The following MTPAP variants were observed in gnomAD, a reference collection of about 807,000 sequenced individuals.
The protein encoded by MTPAP is poly(A) RNA polymerase, mitochondrial.
In MTPAP, 23 loss-of-function variants were observed where a neutral mutation model predicts 48.7. The ratio of observed to expected loss-of-function variants is 0.47; its 90% CI spans 0.34 to 0.67. The LOEUF (loss-of-function observed/expected upper bound fraction) is 0.67. Among genes scored for constraint, MTPAP ranks in the 30% least tolerant of loss-of-function variants. MTPAP has a pLI of 0.01. For missense variants in MTPAP, 614 were observed against 694.3 expected (o/e 0.88, Z 1.30); for synonymous variants, 257 against 254.1 (o/e 1.01, Z -0.11).
chr10:30,323,376 C>T lies in MTPAP; in HGVS notation c.993-759G>A, dbSNP rs1286522097. On this transcript the variant is annotated intron_variant, in intron 5 of 8. Coordinates refer to ENST00000263063, the MANE Select transcript of MTPAP (RefSeq NM_018109.4). ...CTGAGGCAGGAGAGTCACTTGAACC[C>T]GGGAGGCGGAGGCTGCAGTCAGCCG... 1.4e-4 allele frequency among the ~76,000 whole-genome samples: 19 copies of T among 136,092 alleles called. No individual in the cohort carries two copies. In the East Asian group the frequency reaches 3.0e-3, roughly 22 times the overall value. 89.3% of individuals were successfully genotyped at this position (136,092 alleles called of 152,430 possible).
chr10:30,328,815 T>A (rs1452136261), intron 4 of MTPAP, among the ~76,000 whole-genome samples: 1 of 152,114 alleles, frequency 6.6e-6, no homozygotes, highest in African/African-American at 2.4e-5. Context: ...CAGCCATATT[T>A]ACACAAGCAT....
chr10:30,342,483 GC>G (rs1237568459), intron 1 of MTPAP, among the ~76,000 whole-genome samples: 1 of 146,366 alleles, frequency 6.8e-6, no homozygotes, highest in Non-Finnish European at 1.5e-5. Context: ...TATTAAAACT[GC>G]CCACTTTCTC....
chr10:30,340,174 G>A (rs765898623), intron 3 of MTPAP, 52 bp downstream of exon 3: 3 of 1,385,150 alleles, frequency 2.2e-6, no homozygotes, highest in Non-Finnish European at 3.1e-6. Context: ...AATCTTTATT[G>A]TTCATAAAAA....
At position 30,339,652 on chromosome 10, in the gene MTPAP, T is replaced by C. The variant is rs369330529; in HGVS notation, c.555+574A>G. ...GTTACCTGTAAGTACAAATGGGGCA[T>C]GGCGGGGAAGGAGCAGACAAGGATT... On this transcript the variant is annotated intron_variant, in intron 3 of 8. Transcript: ENST00000263063. Among the ~76,000 whole-genome samples, 3 of 152,296 alleles carry C rather than the reference T, an allele frequency of 2.0e-5. No homozygotes were observed. In the East Asian group the frequency reaches 5.8e-4, roughly 29 times the overall value.
At chr10:30,337,291 G>C (rs1834741075) in intron 3 of MTPAP, among the ~76,000 whole-genome samples, 1 of 152,138 alleles carries the variant, frequency 6.6e-6, no homozygotes, top group African/African-American at 2.4e-5. Context: ...GGGCGTGGTG[G>C]CGCATACCTG....
In MTPAP at chr10:30,310,884, G is replaced by A. The variant is rs956067426; in HGVS notation, c.*2725C>T. The A allele has an allele frequency of 4.7e-5, 7 of 148,984 alleles. No individual in the cohort carries two copies. Among genetic ancestry groups the A allele is most frequent in the African/African-American group, 1.8e-4 (7 of 39,508 alleles). The allele number at this position is 148,984 out of a possible 1,614,324, so 9.2% of individuals were successfully genotyped here. A position where few individuals can be genotyped will look rare whatever the true frequency, so the allele number is the denominator to read the frequency against. On this transcript the variant is annotated 3_prime_UTR_variant, in exon 9 of 9. Coordinates refer to ENST00000263063, the MANE Select transcript of MTPAP (RefSeq NM_018109.4). ...ACTGCAGTCTAGCCTGGGTGACAGA[G>A]CAAGATTTGCTCTCAAAAAAAAAAA...
At chr10:30,333,664 T>C (rs912539433) in intron 4 of MTPAP, among the ~76,000 whole-genome samples, 1 of 152,146 alleles carries the variant, frequency 6.6e-6, no homozygotes, top group Non-Finnish European at 1.5e-5. Flanking sequence ...CCTATAATCG[T>C]AGCACTTGGG....
At chr10:30,347,980 AC>A (rs1427664783) in intron 1 of MTPAP, among the ~76,000 whole-genome samples, 1 of 151,942 alleles carries the variant, frequency 6.6e-6, no homozygotes, top group Non-Finnish European at 1.5e-5. Flanking sequence ...CCCTTGGACT[AC>A]CCTGTTCCCT....
chr10:30,328,318 C>T (rs143605543), intron 4 of MTPAP, among the ~76,000 whole-genome samples: 3 of 152,192 alleles, frequency 2.0e-5, no homozygotes, highest in Non-Finnish European at 4.4e-5. Flanking sequence ...AGAACTAACG[C>T]GTATGAGAAA....
intron 1 of MTPAP, 21 bp downstream of exon 1, chr10:30,349,098 A>C (rs377547268): frequency 3.1e-6 from 5 of 1,613,366 alleles, no homozygotes; most frequent in African/African-American, 1.3e-5. Context: ...ACGGAACTAC[A>C]GGGCAAACCG....
intron 1 of MTPAP, among the ~76,000 whole-genome samples, chr10:30,344,357 C>T (rs931106238): frequency 4.6e-5 from 7 of 152,212 alleles, no homozygotes; most frequent in Non-Finnish European, 1.0e-4. Flanking sequence ...TTGCTCAGGT[C>T]TGTGAAGACT....
chr10:30,316,308 T>A, intron 6 of MTPAP, 98 bp from the exon 7 acceptor site: 2 of 938,896 alleles, frequency 2.1e-6, no homozygotes, highest in Non-Finnish European at 3.3e-6. Context: ...AGCGGCATGA[T>A]CTCAGCTCAA....
intron 3 of MTPAP, among the ~76,000 whole-genome samples, chr10:30,339,690 C>T (rs1285221231): frequency 6.6e-6 from 1 of 152,138 alleles, no homozygotes; most frequent in African/African-American, 2.4e-5. Flanking sequence ...TATCACTTTT[C>T]ATTCAACATA....
At position 30,349,140 on chromosome 10, in the gene MTPAP, G is replaced by C. The variant is rs775432161; in HGVS notation, c.136C>G (p.Pro46Ala). The change falls in exon 1 of 9, where the codon CCT (proline) becomes GCT (alanine). Residue 46 changes from proline (P) to alanine (A), a missense_variant. By Grantham distance (27) the Pro-to-Ala change is conservative (BLOSUM62 -1). Around this residue, in one of 5 missense-constraint regions of MTPAP, gnomAD observed 125 missense variants for 111.5 expected, o/e 1.12. Transcript: ENST00000263063. The stretch of plus-strand genomic sequence containing the variant: ...TCACCTGTCTCCACGCTCCCTGAAG[G>C]CTGCTCGTCTCTCCTAAGGTCTTTG... ...VAKDLRRDEQ[P>A]SGSVETGFED... is the part of the protein sequence containing the mutation. 6.2e-7 allele frequency: 1 copy of C among 1,613,798 alleles called. No homozygotes were observed. The highest frequency in any genetic ancestry group is 8.5e-7 in the Non-Finnish European group (1 of 1,179,844).
intron 8 of MTPAP, among the ~76,000 whole-genome samples, chr10:30,315,262 G>A (rs75971329): frequency 1.3e-5 from 2 of 152,232 alleles, no homozygotes; most frequent in South Asian, 4.1e-4. Context: ...GATGAAAAAC[G>A]GAGAGGTGAA....
rs1476338217 is a variant in MTPAP, at chr10:30,340,463, C to T, written c.331-13G>A. On this transcript the variant is annotated splice_polypyrimidine_tract_variant and intron_variant, in intron 2 of 8. Transcript: ENST00000263063. The stretch of plus-strand genomic sequence containing the variant: ...CAGCATAGAGACCCTATACCAAAAA[C>T]ATAAGAAAAAACAGAACACATTTCA... 3 of 1,589,480 alleles carry T rather than the reference C, an allele frequency of 1.9e-6. No homozygotes were observed. The South Asian group carries it at 3.3e-5, about 18-fold the overall frequency.
chr10:30,341,060 T>C (rs1834799271), intron 2 of MTPAP, among the ~76,000 whole-genome samples: 1 of 151,908 alleles, frequency 6.6e-6, no homozygotes, highest in Non-Finnish European at 1.5e-5. Flanking sequence ...AGAGACTATC[T>C]AAAGTATTCA....
At chr10:30,324,256 G>A (rs1029913640) in intron 5 of MTPAP, among the ~76,000 whole-genome samples, 2 of 152,032 alleles carry the variant, frequency 1.3e-5, no homozygotes, top group African/African-American at 4.8e-5. Context: ...TGTGGCTCAC[G>A]CCTGTAGTCC....
chr10:30,340,729 G>A (rs1834793676), intron 2 of MTPAP, among the ~76,000 whole-genome samples: 1 of 152,204 alleles, frequency 6.6e-6, no homozygotes, highest in Admixed American at 6.5e-5. Context: ...GACCAGCCTG[G>A]CCAACATGGT....
Sources: gnomAD v4.1 joint callset for allele counts (sites outside exome capture counted in the v4.1 genomes callset) on GRCh38, gnomAD v4.1.1 for gene constraint, gnomAD v4.1.1 regional missense constraint, MANE v1.5 for transcripts, NCBI Gene and HGNC (gene_info 2026-07-23, HGNC 2026-07-21) for gene names.